NPAS3: variants seen among roughly 807,000 people sequenced by gnomAD.
The protein encoded by NPAS3 is neuronal PAS domain-containing protein 3.
Under a neutral mutation model 73.1 loss-of-function variants are expected in NPAS3, and 14 were observed. That is an observed-to-expected ratio of 0.19 (90% CI 0.13 to 0.30). The LOEUF (loss-of-function observed/expected upper bound fraction) is 0.30. NPAS3 is among the 10% of genes least tolerant of loss of function. The probability of loss-of-function intolerance (pLI) is 1.00; values close to 1 mark genes in which losing one functional copy is unlikely to be tolerated. For synonymous variants in NPAS3, 620 were observed against 541.5 expected, an observed-to-expected ratio of 1.14 and a Z score of -2.01; for missense variants, 1,096 against 1,250.0, an observed-to-expected ratio of 0.88 and a Z score of 1.86.
At chr14:33,155,071 CA>C (rs1303239506) in intron 2 of NPAS3, among the ~76,000 whole-genome samples, 1 of 152,142 alleles carries the variant, frequency 6.6e-6, no homozygotes, top group Non-Finnish European at 1.5e-5. Context: ...ACAGACTAAA[CA>C]AAAACTGGTG....
At chr14:33,216,078 T>C (rs1283063781) in intron 3 of NPAS3, among the ~76,000 whole-genome samples, 1 of 152,208 alleles carries the variant, frequency 6.6e-6, no homozygotes, top group Non-Finnish European at 1.5e-5. Flanking sequence ...TCCTAATAAT[T>C]TATGGCATTT....
intron 2 of NPAS3, among the ~76,000 whole-genome samples, chr14:33,088,190 G>T (rs186568310): frequency 3.3e-5 from 5 of 152,330 alleles, no homozygotes; most frequent in African/African-American, 4.8e-5. Context: ...GACAGTGGGT[G>T]CAGGACAGTG....
rs557912991 is a variant in NPAS3 at position 33,454,345 on chromosome 14, A to G, written c.468+87077A>G. Among the ~76,000 whole-genome samples the G allele has an allele frequency of 9.8e-4, 150 of 152,342 alleles. 1 individual carries two copies. The highest frequency in any genetic ancestry group is 1.5e-3 in the Admixed American group (23 of 15,304). On this transcript the variant is annotated intron_variant, in intron 4 of 11. Transcript: ENST00000356141. ...TTAAAAATTACCCTTAATTTTACCA[A>G]TCAGGAAGTAATTTGCTTTTAAACA...
intron 4 of NPAS3, among the ~76,000 whole-genome samples, chr14:33,489,000 A>C (rs2051755207): frequency 1.3e-5 from 2 of 152,188 alleles, no homozygotes; most frequent in African/African-American, 4.8e-5. Flanking sequence ...CCTGAATGCT[A>C]TAGCAGTAAG....
intron 2 of NPAS3, among the ~76,000 whole-genome samples, chr14:33,111,061 G>A (rs1019654074): frequency 6.6e-6 from 1 of 152,158 alleles, no homozygotes; most frequent in African/African-American, 2.4e-5. Context: ...GAAGAGGAGA[G>A]GGATGAGGCT....
At chr14:33,221,465 C>T (rs116008529) in intron 3 of NPAS3, among the ~76,000 whole-genome samples, 218 of 152,010 alleles carry the variant, frequency 1.4e-3, no homozygotes, top group African/African-American at 5.1e-3. Context: ...TTTTGTTTGC[C>T]CAAAAGCAGA....
At chr14:32,995,892 A>T (rs973572900) in intron 1 of NPAS3, among the ~76,000 whole-genome samples, 7 of 152,202 alleles carry the variant, frequency 4.6e-5, no homozygotes, top group Admixed American at 6.5e-5. Context: ...GTTGCTGAAA[A>T]GATACCTGAA....
intron 6 of NPAS3, among the ~76,000 whole-genome samples, chr14:33,700,396 C>G (rs1167896330): frequency 2.0e-5 from 3 of 152,132 alleles, no homozygotes; most frequent in African/African-American, 7.2e-5. Flanking sequence ...CGAAAATATG[C>G]AAAACATTTG....
At chr14:33,448,059 T>C (rs576714196) in intron 4 of NPAS3, among the ~76,000 whole-genome samples, 1 of 152,320 alleles carries the variant, frequency 6.6e-6, no homozygotes, top group African/African-American at 2.4e-5. Flanking sequence ...ATAGTGATAA[T>C]GATAAGTATG....
At chr14:33,596,200 A>G (rs1178765136) in intron 5 of NPAS3, among the ~76,000 whole-genome samples, 1 of 152,242 alleles carries the variant, frequency 6.6e-6, no homozygotes, top group Non-Finnish European at 1.5e-5. Flanking sequence ...TGTAGCTTGC[A>G]GCCCATAAAT....
chr14:33,565,598 T>C (rs1035969246), intron 5 of NPAS3, among the ~76,000 whole-genome samples: 2 of 152,130 alleles, frequency 1.3e-5, no homozygotes, highest in African/African-American at 4.8e-5. Context: ...TTGTAGAAGA[T>C]ATATATATTT....
intron 5 of NPAS3, among the ~76,000 whole-genome samples, chr14:33,624,773 C>A (rs144279565): frequency 6.6e-6 from 1 of 152,240 alleles, no homozygotes; most frequent in East Asian, 1.9e-4. Flanking sequence ...CAGCAAAGGC[C>A]TCATCAGATC....
chr14:33,050,736 G>A (rs75674089), intron 1 of NPAS3, among the ~76,000 whole-genome samples: 2 of 152,136 alleles, frequency 1.3e-5, no homozygotes, highest in Non-Finnish European at 2.9e-5. Context: ...AACACATTTC[G>A]AATGAAATCT....
chr14:33,239,107 A>C (rs1431987535), intron 3 of NPAS3, among the ~76,000 whole-genome samples: 1 of 151,938 alleles, frequency 6.6e-6, no homozygotes, highest in Non-Finnish European at 1.5e-5. Flanking sequence ...ATTTGGCCTC[A>C]CATTTATTAG....
At chr14:33,691,493 G>C (rs529274836) in intron 6 of NPAS3, among the ~76,000 whole-genome samples, 2 of 152,188 alleles carry the variant, frequency 1.3e-5, no homozygotes, top group Admixed American at 6.5e-5. Context: ...AACGAATCTG[G>C]CTGCTCAGAG....
At chr14:33,664,973 G>T (rs2140290807) in intron 5 of NPAS3, among the ~76,000 whole-genome samples, 1 of 152,320 alleles carries the variant, frequency 6.6e-6, no homozygotes, top group Middle Eastern at 3.4e-3. Flanking sequence ...TCTAGAACCA[G>T]AAATACCATT....
intron 5 of NPAS3, among the ~76,000 whole-genome samples, chr14:33,638,844 T>C (rs1410933644): frequency 6.6e-6 from 1 of 152,268 alleles, no homozygotes; most frequent in Non-Finnish European, 1.5e-5. Flanking sequence ...AACACAGATA[T>C]ATTTTAAAGT....
intron 5 of NPAS3, among the ~76,000 whole-genome samples, chr14:33,666,433 A>G (rs2059452006): frequency 6.6e-6 from 1 of 152,226 alleles, no homozygotes; most frequent in Admixed American, 6.5e-5. Flanking sequence ...AGTGCTACTC[A>G]AAGTGTGAAT....
At chr14:33,686,405 T>C (rs2060090279) in intron 6 of NPAS3, among the ~76,000 whole-genome samples, 2 of 152,180 alleles carry the variant, frequency 1.3e-5, no homozygotes, top group African/African-American at 4.8e-5. Flanking sequence ...ATGAAAACAT[T>C]ATTTTATTAC....
Sources: allele counts gnomAD v4.1 joint callset (sites outside exome capture counted in the v4.1 genomes callset), GRCh38; gene constraint gnomAD v4.1.1; transcripts MANE v1.5; gene names NCBI Gene and HGNC (gene_info 2026-07-23, HGNC 2026-07-21).